Variants in PPP2R3A observed in about 807,000 individuals in gnomAD.
PPP2R3A encodes the protein protein phosphatase 2 regulatory subunit B''alpha.
Under a neutral mutation model 106.9 loss-of-function variants are expected in PPP2R3A, and 80 were observed. The observed-to-expected ratio is 0.75, with a 90% CI of 0.62 to 0.90. PPP2R3A has a LOEUF of 0.90. Among genes scored for constraint, PPP2R3A ranks in the 40% least tolerant of loss-of-function variants. PPP2R3A has a pLI of 0.00. For synonymous variants in PPP2R3A, 483 were observed against 468.3 expected (o/e 1.03, Z -0.41); for missense variants, 1,386 against 1,350.4 (o/e 1.03, Z -0.41).
At position 136,031,860 on chromosome 3, in the gene PPP2R3A, T is replaced by C. The variant is rs565675445; in HGVS notation, c.2262+4762T>C. On this transcript the variant is annotated intron_variant, in intron 3 of 13. Transcript: ENST00000264977. ...TGTTCTCTATTCTGTTCCACTGGTC[T>C]ATGTGCCTATTTTTATAACAGTACC... 2.0e-5 allele frequency among the ~76,000 whole-genome samples: 3 copies of C among 152,364 alleles called. No individual in the cohort carries two copies. The South Asian group carries it at 6.2e-4, about 32-fold the overall frequency.
chr3:135,983,527 A>T (rs934888281), intron 1 of PPP2R3A, among the ~76,000 whole-genome samples: 1 of 152,160 alleles, frequency 6.6e-6, no homozygotes, highest in Non-Finnish European at 1.5e-5. Flanking sequence ...TTTTCAGTGC[A>T]TTTTTGCTTT....
At chr3:136,114,675 G>T (rs1276606756) in intron 13 of PPP2R3A, among the ~76,000 whole-genome samples, 1 of 152,214 alleles carries the variant, frequency 6.6e-6, no homozygotes, top group African/African-American at 2.4e-5. Flanking sequence ...TGGGAAGTTT[G>T]AAGTGGGAGC....
In PPP2R3A at chr3:136,001,684, G is replaced by A. The variant is rs759147846; in HGVS notation, c.186G>A (p.Gln62=). The A allele has an allele frequency of 6.8e-6, 11 of 1,614,136 alleles. No homozygotes were observed. Among genetic ancestry groups the A allele is most frequent in the Non-Finnish European group, 9.3e-6 (11 of 1,180,016 alleles). Residue 62 remains glutamine, a synonymous_variant, in exon 2 of 14, where the codon CAG becomes CAA. Coordinates refer to ENST00000264977, the MANE Select transcript of PPP2R3A (RefSeq NM_002718.5). ...ACCTCTTGCACATCCCTGTGTCTCA[G>A]TTCAAAGATGCAGATCTGAACTCTA... ...CADLLHIPVS[Q]FKDADLNSMF...
chr3:136,136,521 AGT>A (rs1480229546), intron 13 of PPP2R3A, among the ~76,000 whole-genome samples: 1 of 152,176 alleles, frequency 6.6e-6, no homozygotes, highest in Admixed American at 6.5e-5. Context: ...TGAATCTAAC[AGT>A]GTCTGGTATA....
chr3:136,078,553 C>T, intron 7 of PPP2R3A, 100 bp downstream of exon 7: 1 of 738,340 alleles, frequency 1.4e-6, no homozygotes, highest in Non-Finnish European at 2.3e-6. Flanking sequence ...AAAGCACTGT[C>T]ACTACTTTCA....
intron 4 of PPP2R3A, 74 bp downstream of exon 4, chr3:136,041,036 A>G (rs1197972400): frequency 2.5e-6 from 3 of 1,208,888 alleles, no homozygotes; most frequent in Non-Finnish European, 3.5e-6. Context: ...TCTAAAGGTC[A>G]CCTATTTTAC....
chr3:136,106,203 T>A lies in PPP2R3A; in HGVS notation c.3223-13T>A. ...TTTTTTTTATTTCTCGTGGCTGTCT[T>A]CTTTCCAATCAGGATGTTGAGAACG... On this transcript the variant is annotated splice_polypyrimidine_tract_variant and intron_variant, in intron 12 of 13. Coordinates refer to ENST00000264977, the MANE Select transcript of PPP2R3A (RefSeq NM_002718.5). The A allele has an allele frequency of 6.2e-7, 1 of 1,601,936 alleles. No individual in the cohort carries two copies. Among genetic ancestry groups the A allele is most frequent in the Non-Finnish European group, 8.5e-7 (1 of 1,175,652 alleles).
intron 1 of PPP2R3A, among the ~76,000 whole-genome samples, chr3:135,974,310 A>C (rs115174204): frequency 6.6e-6 from 1 of 152,156 alleles, no homozygotes; most frequent in South Asian, 2.1e-4. Context: ...CTATACACCA[A>C]CAACTACATG....
intron 7 of PPP2R3A, chr3:136,079,130 C>T (rs1415557336): frequency 2.2e-6 from 1 of 446,042 alleles, no homozygotes. Flanking sequence ...TTTATTTTTT[C>T]CTATCTTCAT....
In PPP2R3A at chr3:136,054,928, C is replaced by G. The variant is rs564065544; in HGVS notation, c.2469+5567C>G. On this transcript the variant is annotated intron_variant, in intron 5 of 13. Coordinates refer to ENST00000264977, the MANE Select transcript of PPP2R3A (RefSeq NM_002718.5). ...TTCGGTTGTAGGGATATAGATATCT[C>G]ATTTGAGTTCTCTGAGTTTTTTATC... Among the ~76,000 whole-genome samples the G allele has an allele frequency of 3.9e-5, 6 of 152,268 alleles. No homozygotes were observed. The South Asian group carries it at 1.2e-3, about 32-fold the overall frequency.
chr3:136,105,768 C>T (rs144420426), intron 12 of PPP2R3A, among the ~76,000 whole-genome samples: 1,655 of 152,208 alleles, frequency 0.011, 15 homozygotes, highest in Middle Eastern at 0.024. Flanking sequence ...TCGAGACCAG[C>T]CTGGCCAACA....
intron 13 of PPP2R3A, among the ~76,000 whole-genome samples, chr3:136,140,052 TTTC>T (rs1207246138): frequency 6.6e-6 from 1 of 151,098 alleles, no homozygotes; most frequent in African/African-American, 2.4e-5. Flanking sequence ...ATACCTATGA[TTTC>T]TAGTAAATTG....
chr3:136,125,437 ATAG>A (rs1309946438), intron 13 of PPP2R3A, among the ~76,000 whole-genome samples: 1 of 152,274 alleles, frequency 6.6e-6, no homozygotes, highest in Non-Finnish European at 1.5e-5. Context: ...CCAGAAAATA[ATAG>A]TAGGAGGGAA....
chr3:136,020,244 ATAAACTATATGTGTG>A (rs1245219374), intron 2 of PPP2R3A, among the ~76,000 whole-genome samples: 1 of 152,172 alleles, frequency 6.6e-6, no homozygotes, highest in Non-Finnish European at 1.5e-5. Flanking sequence ...GTAGGGAATC[ATAAACTATATGTGTG>A]TGTACTATAA....
At chr3:136,010,143 G>A (rs1232039095) in intron 2 of PPP2R3A, among the ~76,000 whole-genome samples, 1 of 151,976 alleles carries the variant, frequency 6.6e-6, no homozygotes, top group Non-Finnish European at 1.5e-5. Context: ...AATCAGAAGA[G>A]ACCTTTATCC....
At chr3:135,966,557 C>T (rs1461896931) in intron 1 of PPP2R3A, among the ~76,000 whole-genome samples, 2 of 152,186 alleles carry the variant, frequency 1.3e-5, no homozygotes, top group African/African-American at 4.8e-5. Flanking sequence ...TGGAAACCAG[C>T]TGGCCGGGCT....
chr3:136,142,004 C>G (rs1027545236), intron 13 of PPP2R3A, among the ~76,000 whole-genome samples: 2 of 152,150 alleles, frequency 1.3e-5, no homozygotes, highest in Non-Finnish European at 2.9e-5. Context: ...ATACATGCTG[C>G]TGTTCTGAAA....
chr3:136,044,911 A>T (rs1237911258), intron 4 of PPP2R3A, among the ~76,000 whole-genome samples: 2 of 152,204 alleles, frequency 1.3e-5, no homozygotes, highest in South Asian at 4.1e-4. Context: ...TGGCAGGGAA[A>T]ACTGCTTGGA....
At chr3:136,032,125 A>G (rs932049414) in intron 3 of PPP2R3A, among the ~76,000 whole-genome samples, 10 of 152,156 alleles carry the variant, frequency 6.6e-5, no homozygotes, top group Non-Finnish European at 1.2e-4. Context: ...CATTTTCACA[A>G]TATTGATTCT....
Sources: gnomAD v4.1 joint callset for allele counts (sites outside exome capture counted in the v4.1 genomes callset) on GRCh38, gnomAD v4.1.1 for gene constraint, MANE v1.5 for transcripts, NCBI Gene and HGNC (gene_info 2026-07-23, HGNC 2026-07-21) for gene names.